Variants in ZBTB37 observed in about 807,000 individuals in gnomAD.
ZBTB37 encodes the protein zinc finger and BTB domain-containing protein 37.
A neutral mutation model predicts 37.7 loss-of-function variants in ZBTB37; 15 were observed. The ratio of observed to expected loss-of-function variants is 0.40; its 90% CI spans 0.27 to 0.61. The LOEUF (loss-of-function observed/expected upper bound fraction) is 0.61, where lower values mean the gene tolerates loss of function less well. Ranked by LOEUF, ZBTB37 falls within the 20% of genes least tolerant of loss-of-function variation. The pLI is 0.44. For missense variants in ZBTB37, 514 were observed against 641.9 expected, an observed-to-expected ratio of 0.80 and a Z score of 2.15; for synonymous variants, 231 against 220.6, an observed-to-expected ratio of 1.05 and a Z score of -0.42.
chr1:173,870,575 A>G lies in ZBTB37; in HGVS notation c.350A>G (p.Lys117Arg). ...CTGCAAATGCAGCATATTATAGACA[A>G]ATGTACACAGATCCTGGAGGGCATT... The change falls in exon 3 of 5, where the codon AAA becomes AGA. Residue 117 changes from lysine (K) to arginine (R), a missense_variant. Around this residue, in one of 3 missense-constraint regions of ZBTB37, gnomAD observed 105 missense variants for 158.1 expected, o/e 0.66. Transcript: ENST00000427304. 1.9e-6 allele frequency: 3 copies of G among 1,614,212 alleles called. No individual in the cohort carries two copies. The highest frequency in any genetic ancestry group is 2.5e-6 in the Non-Finnish European group (3 of 1,180,048).
exon 4 of ZBTB37, chr1:173,898,626 C>G (rs775608605): frequency 6.6e-5 from 10 of 152,046 alleles, no homozygotes; most frequent in Non-Finnish European, 1.3e-4. Context: ...TTTTTAAGGT[C>G]AATATTGTCA....
intron 2 of ZBTB37, 59 bp from the exon 3 acceptor site, chr1:173,870,141 A>G: frequency 3.3e-6 from 4 of 1,216,758 alleles, no homozygotes; most frequent in Non-Finnish European, 3.3e-6. Context: ...TTGAAATGGA[A>G]ACCATCCGGG....
chr1:173,878,372 AG>A (rs1472306085), intron 4 of ZBTB37, among the ~76,000 whole-genome samples: 1 of 152,184 alleles, frequency 6.6e-6, no homozygotes, highest in African/African-American at 2.4e-5. Flanking sequence ...GTCTTTTGAC[AG>A]TTTTAGTACC....
intron 3 of ZBTB37, among the ~76,000 whole-genome samples, chr1:173,872,083 A>T (rs1308255453): frequency 6.6e-6 from 1 of 152,102 alleles, no homozygotes; most frequent in Non-Finnish European, 1.5e-5. Context: ...TATTTATTTT[A>T]TTTGAGACGG....
chr1:173,872,108 G>A (rs1254431258), intron 3 of ZBTB37, among the ~76,000 whole-genome samples: 2 of 152,082 alleles, frequency 1.3e-5, no homozygotes, highest in Non-Finnish European at 2.9e-5. Flanking sequence ...TCGCTGTGTC[G>A]TCCAGGCTGG....
Position 173,875,116 on chromosome 1 carries a change from A to ATGTG in ZBTB37, c.1023+1591_1023+1594dup, listed in dbSNP as rs71111072. ...ACCTGGAATCGAAAGTCTGATTATT[A>ATGTG]TGTGTGTGTGTGTGTGTGTGTGTGT... On this transcript the variant is annotated intron_variant, in intron 4 of 4. Coordinates refer to ENST00000427304, the Ensembl canonical transcript of ZBTB37. 6.5e-4 allele frequency among the ~76,000 whole-genome samples: 89 copies of ATGTG among 137,120 alleles called. 1 individual carries two copies. The highest frequency in any genetic ancestry group is 1.9e-3 in the East Asian group (9 of 4,734). The allele number at this position is 137,120 out of a possible 152,430, so 90.0% of individuals were successfully genotyped here. A position where few individuals can be genotyped will look rare whatever the true frequency, so the allele number is the denominator to read the frequency against.
At chr1:173,894,037 G>C (rs1656950107) in exon 4 of ZBTB37, 1 of 152,212 alleles carries the variant, frequency 6.6e-6, no homozygotes, top group South Asian at 2.1e-4. Context: ...ACTGCTTTTT[G>C]TGAATGTGTA....
intron 4 of ZBTB37, among the ~76,000 whole-genome samples, chr1:173,881,681 T>C (rs1252705391): frequency 6.6e-6 from 1 of 152,206 alleles, no homozygotes; most frequent in Non-Finnish European, 1.5e-5. Context: ...ATTGTGGTTT[T>C]GATTTGCATT....
intron 3 of ZBTB37, among the ~76,000 whole-genome samples, chr1:173,872,475 C>T (rs1049390763): frequency 6.6e-6 from 1 of 152,060 alleles, no homozygotes; most frequent in Middle Eastern, 3.2e-3. Flanking sequence ...TGGGTTCAGG[C>T]GTTTCTCCTG....
chr1:173,875,055 G>GA (rs961034036), intron 4 of ZBTB37, among the ~76,000 whole-genome samples: 8 of 150,460 alleles, frequency 5.3e-5, no homozygotes, highest in African/African-American at 1.7e-4. Context: ...AATAATCCCA[G>GA]AAAACCACAT....
intron 4 of ZBTB37, among the ~76,000 whole-genome samples, chr1:173,880,802 A>C (rs34600837): frequency 6.6e-6 from 1 of 152,240 alleles, no homozygotes; most frequent in Non-Finnish European, 1.5e-5. Context: ...TTGCAACTTC[A>C]CTGCAGTAAT....
At chr1:173,883,268 C>T (rs1005492378) in intron 4 of ZBTB37, among the ~76,000 whole-genome samples, 4 of 152,120 alleles carry the variant, frequency 2.6e-5, no homozygotes, top group African/African-American at 7.2e-5. Context: ...CACCTGAGGT[C>T]GGGAGTTCGA....
chr1:173,868,393 T>G (rs1268026756), exon 1 of ZBTB37: 1 of 153,092 alleles, frequency 6.5e-6, no homozygotes, highest in African/African-American at 2.4e-5. Context: ...CCGGCCCATT[T>G]CCACCCCCGG....
exon 4 of ZBTB37, chr1:173,892,409 C>G (rs1249860006): frequency 6.6e-6 from 1 of 152,110 alleles, no homozygotes; most frequent in Non-Finnish European, 1.5e-5. Flanking sequence ...GTGCTTTTCC[C>G]AGGGCCAGTC....
chr1:173,876,336 T>C (rs79593379), intron 4 of ZBTB37, among the ~76,000 whole-genome samples: 1 of 152,154 alleles, frequency 6.6e-6, no homozygotes, highest in Non-Finnish European at 1.5e-5. Flanking sequence ...CTTTTTTTTT[T>C]AGATGGAGTC....
Position 173,870,966 on chromosome 1 carries a change from T to C in ZBTB37, c.741T>C (p.Thr247=), listed in dbSNP as rs1164163271. 4 of 1,614,216 alleles carry C rather than the reference T, an allele frequency of 2.5e-6. No homozygotes were observed. In the East Asian group the frequency reaches 8.9e-5, roughly 36 times the overall value. Reference sequence around the variant, plus strand: ...TTCTTGGAGCAGTACACATCAAAACTGAAAATCTGGAGGAGTGGCTTGGGC... The same window carrying C: ...TTCTTGGAGCAGTACACATCAAAACCGAAAATCTGGAGGAGTGGCTTGGGC... The change falls in exon 3 of 5, where the codon ACT becomes ACC. Residue 247 remains threonine (T), a synonymous_variant. Coordinates refer to ENST00000427304, the Ensembl canonical transcript of ZBTB37.
At chr1:173,896,044 C>A (rs1014736585) in exon 4 of ZBTB37, 8 of 151,978 alleles carry the variant, frequency 5.3e-5, no homozygotes, top group African/African-American at 9.7e-5. Flanking sequence ...CAGGCCTTAG[C>A]AATTACAAAT....
Position 173,876,181 on chromosome 1 carries a change from A to T in ZBTB37, c.1023+2615A>T, listed in dbSNP as rs548009917. Among the ~76,000 whole-genome samples the T allele has an allele frequency of 1.7e-4, 26 of 152,166 alleles. 2 individuals are homozygous for T. In the South Asian group the frequency reaches 5.4e-3, roughly 32 times the overall value. On this transcript the variant is annotated intron_variant, in intron 4 of 4. Transcript: ENST00000427304. ...TTTTTTTAAAGCTCATGAACTCACC[A>T]AGTAGAAGACAATAAATTGTGAACA...
At chr1:173,877,862 A>G (rs1221208909) in intron 4 of ZBTB37, among the ~76,000 whole-genome samples, 1 of 152,244 alleles carries the variant, frequency 6.6e-6, no homozygotes, top group Non-Finnish European at 1.5e-5. Context: ...ATAGATTTGA[A>G]GAACTTCCTG....
Sources: allele counts gnomAD v4.1 joint callset (sites outside exome capture counted in the v4.1 genomes callset), GRCh38; gene constraint gnomAD v4.1.1; regional missense constraint gnomAD v4.1.1; transcripts MANE v1.5; gene names NCBI Gene and HGNC (gene_info 2026-07-23, HGNC 2026-07-21).